Variants in PLXNB2 observed in about 807,000 individuals in gnomAD.
The protein encoded by PLXNB2 is plexin-B2.
A neutral mutation model predicts 202.6 loss-of-function variants in PLXNB2; 85 were observed. The observed-to-expected ratio is 0.42, with a 90% CI of 0.35 to 0.50. The LOEUF (loss-of-function observed/expected upper bound fraction) is 0.50, where lower values mean the gene tolerates loss of function less well. Ranked by LOEUF, PLXNB2 falls within the 20% of genes least tolerant of loss-of-function variation. PLXNB2 has a pLI of 0.02. For missense variants in PLXNB2, 2,063 were observed against 2,586.2 expected, an observed-to-expected ratio of 0.80 and a Z score of 4.39; for synonymous variants, 1,239 against 1,137.6, an observed-to-expected ratio of 1.09 and a Z score of -1.79.
chr22:50,276,758 G>T, intron 34 of PLXNB2, 54 bp from the exon 35 acceptor site: 2 of 1,599,530 alleles, frequency 1.3e-6, no homozygotes, highest in South Asian at 2.2e-5. Context: ...CAAAGGGGGT[G>T]GTGGGGGAAA....
rs2066777898 is a variant in PLXNB2 at position 50,290,382 on chromosome 22, G to A, written c.203C>T (p.Ala68Val). The change falls in exon 3 of 37, where the codon GCC (alanine) becomes GTC (valine). Residue 68 changes from alanine to valine, a missense_variant. By Grantham distance (64) the Ala-to-Val change is moderately conservative. Coordinates refer to ENST00000359337, the MANE Select transcript of PLXNB2 (RefSeq NM_012401.4). ...CTTGTTGTCCAGGGCCGGGCCCGTG[G>A]CCACCTGCTGCTCCAGCTGCAGCTT... ...DAKLQLEQQV[A>V]TGPALDNKKC... 4.7e-5 allele frequency: 76 copies of A among 1,612,786 alleles called. No individual in the cohort carries two copies. Among genetic ancestry groups the A allele is most frequent in the Non-Finnish European group, 6.3e-5 (74 of 1,179,982 alleles).
At chr22:50,306,805 G>A (rs2067900513) in intron 1 of PLXNB2, among the ~76,000 whole-genome samples, 1 of 152,196 alleles carries the variant, frequency 6.6e-6, no homozygotes, top group Admixed American at 6.5e-5. Flanking sequence ...GGAGCTTCGG[G>A]AAGAGAAATC....
Position 50,289,146 on chromosome 22 carries a change from CG to C in PLXNB2, c.1069-5del. 6.4e-7 allele frequency: 1 copy of C among 1,557,684 alleles called. No homozygotes were observed. The highest frequency in any genetic ancestry group is 8.7e-7 in the Non-Finnish European group (1 of 1,152,632). ...ATGGGAAGCTCTTGCTGGAGCCCTG[CG>C]GACCACAGCGTGTCAATGGCAGGCA... On this transcript the variant is annotated splice_region_variant and splice_polypyrimidine_tract_variant and intron_variant, in intron 3 of 36. Coordinates refer to ENST00000359337, the MANE Select transcript of PLXNB2 (RefSeq NM_012401.4). This position sits in a 1 kb window ranked among gnomAD's most constrained non-coding sequence, Gnocchi z 8.0.
intron 27 of PLXNB2, 24 bp from the exon 28 acceptor site, chr22:50,279,035 C>A: frequency 6.3e-7 from 1 of 1,584,608 alleles, no homozygotes; most frequent in South Asian, 1.2e-5. Flanking sequence ...CGGGATGAAG[C>A]CCAGTGGGAG....
chr22:50,292,644 T>G (rs2066960016), intron 2 of PLXNB2, among the ~76,000 whole-genome samples: 1 of 152,042 alleles, frequency 6.6e-6, no homozygotes, highest in Non-Finnish European at 1.5e-5. Flanking sequence ...GAGCCCGCTC[T>G]GCTGCTCCGT....
At chr22:50,302,339 C>A (rs563260048) in intron 1 of PLXNB2, among the ~76,000 whole-genome samples, 84 of 152,304 alleles carry the variant, frequency 5.5e-4, no homozygotes, top group Non-Finnish European at 1.1e-3. Flanking sequence ...AGAGTGGGGG[C>A]AGGACAGTGA....
rs777991567 is a variant in PLXNB2, at chr22:50,278,987, C to T, written c.4414G>A (p.Glu1472Lys). Residue 1472 changes from glutamate (E) to lysine (K), a missense_variant, in exon 28 of 37, where the codon GAG becomes AAG. Physicochemically the swap from Glu to Lys is moderately conservative, Grantham distance 56. Transcript: ENST00000359337. The part of the protein sequence containing the change: ...PLTVSVIVQD[E>K]GVDAIPVKVL... ...TTCACCGGGATGGCGTCCACTCCCT[C>T]GTCCTGCACGATCACGCTCACCGTC... is the stretch of plus-strand genomic sequence containing the variant. The T allele has an allele frequency of 4.3e-6, 7 of 1,611,990 alleles. No homozygotes were observed. The highest frequency in any genetic ancestry group is 1.6e-4 in the Middle Eastern group (1 of 6,074).
In PLXNB2 at chr22:50,287,340, T is replaced by C. The variant is rs530737875; in HGVS notation, c.1609-76A>G. ...CCACCTGCCGGTGACCCGACCTCCC[T>C]GCGTGTGTGGGCGCACGTCCCAGTG... On this transcript the variant is annotated intron_variant, in intron 7 of 36. Coordinates refer to ENST00000359337, the MANE Select transcript of PLXNB2 (RefSeq NM_012401.4). 48 of 1,418,878 alleles carry C rather than the reference T, an allele frequency of 3.4e-5. No individual in the cohort carries two copies. The African/African-American group carries it at 6.2e-4, about 18-fold the overall frequency. The allele number at this position is 1,418,878 out of a possible 1,614,324, so 87.9% of individuals were successfully genotyped here. A position where few individuals can be genotyped will look rare whatever the true frequency, so the allele number is the denominator to read the frequency against.
At chr22:50,303,471 A>G (rs1402376443) in intron 1 of PLXNB2, among the ~76,000 whole-genome samples, 1 of 152,122 alleles carries the variant, frequency 6.6e-6, no homozygotes, top group Admixed American at 6.5e-5. Flanking sequence ...ACCACAACAG[A>G]AGGTCACCTG....
Position 50,284,086 on chromosome 22 carries a change from G to GGCC in PLXNB2, c.2263+45_2263+46insGGC. 1 of 1,341,482 alleles carries GGCC rather than the reference G, an allele frequency of 7.5e-7. No individual in the cohort carries two copies. The highest frequency in any genetic ancestry group is 1.0e-6 in the Non-Finnish European group (1 of 961,404). The allele number at this position is 1,341,482 out of a possible 1,614,324, so 83.1% of individuals were successfully genotyped here. ...CCTGTCCCCCCACCCACCGCCTTGT[G>GGCC]CCCACCCGTCCCCTGCCCGCCCCCC... is the stretch of plus-strand genomic sequence containing the variant. On this transcript the variant is annotated intron_variant, in intron 13 of 36. Coordinates refer to ENST00000359337, the MANE Select transcript of PLXNB2 (RefSeq NM_012401.4). The surrounding 1 kb of genome is among the most constrained non-coding windows in gnomAD (Gnocchi z 8.0).
At chr22:50,280,121 G>A (rs951258486) in intron 25 of PLXNB2, 50 bp from the exon 26 acceptor site, 1 of 1,449,220 alleles carries the variant, frequency 6.9e-7, no homozygotes, top group Non-Finnish European at 9.4e-7. Flanking sequence ...GTATTCCTGA[G>A]GCCCAACTGA....
chr22:50,277,471 A>G (rs535018596), intron 33 of PLXNB2, 120 bp downstream of exon 33: 1 of 1,070,388 alleles, frequency 9.3e-7, no homozygotes, highest in East Asian at 2.7e-5. Context: ...CACCTCCTAC[A>G]TCAAGGGCTC....
At chr22:50,301,486 G>A (rs372628292) in intron 1 of PLXNB2, 7 of 720,576 alleles carry the variant, frequency 9.7e-6, no homozygotes, top group East Asian at 1.3e-4. Flanking sequence ...AGGCGGCCAC[G>A]GAGGGACTCT....
At position 50,282,317 on chromosome 22, in the gene PLXNB2, C is replaced by A; in HGVS notation, c.2988-4G>T. ...GACGTTGATGCTGCGGCCACCACTG[C>A]GGAGGGCAGTGCCTTCGTGGGCTCG... On this transcript the variant is annotated splice_region_variant and splice_polypyrimidine_tract_variant and intron_variant, in intron 18 of 36. Transcript: ENST00000359337. 1 of 1,598,934 alleles carries A rather than the reference C, an allele frequency of 6.3e-7. No homozygotes were observed. The highest frequency in any genetic ancestry group is 8.5e-7 in the Non-Finnish European group (1 of 1,173,206).
chr22:50,284,509 G>C lies in PLXNB2; in HGVS notation c.2181+64C>G. On this transcript the variant is annotated intron_variant, in intron 12 of 36. Coordinates refer to ENST00000359337, the MANE Select transcript of PLXNB2 (RefSeq NM_012401.4). The surrounding 1 kb of genome is among the most constrained non-coding windows in gnomAD (Gnocchi z 8.0). ...CCCCTCCCCTCACAGTCCTGAAGGT[G>C]ACCCCCCACCCCACCCGGGGCCCTG... 8.0e-7 allele frequency: 1 copy of C among 1,243,854 alleles called. No individual in the cohort carries two copies. The highest frequency in any genetic ancestry group is 1.1e-6 in the Non-Finnish European group (1 of 871,482). The allele number at this position is 1,243,854 out of a possible 1,614,324, so 77.1% of individuals were successfully genotyped here. A position where few individuals can be genotyped will look rare whatever the true frequency, so the allele number is the denominator to read the frequency against.
chr22:50,281,344 C>T lies in PLXNB2; in HGVS notation c.3662+16G>A, dbSNP rs1383457964. 89 of 1,610,848 alleles carry T rather than the reference C, an allele frequency of 5.5e-5. No individual in the cohort carries two copies. The highest frequency in any genetic ancestry group is 5.3e-4 in the South Asian group (48 of 90,714). ...CGAGGGCTCAGGGTGTTGGCACAGC[C>T]GGGGGGCGGGCTCACCAGTAGCAGT... On this transcript the variant is annotated intron_variant, in intron 22 of 36. Transcript: ENST00000359337.
At position 50,288,036 on chromosome 22, in the gene PLXNB2, A is replaced by G. The variant is rs1226756894; in HGVS notation, c.1382T>C (p.Val461Ala). 1 of 1,555,612 alleles carries G rather than the reference A, an allele frequency of 6.4e-7. No individual in the cohort carries two copies. The highest frequency in any genetic ancestry group is 1.2e-5 in the South Asian group (1 of 84,470). Reference sequence around the variant, plus strand: ...GCACTCCTGCACCGGCAGCCGGAACACCTAGGGCAGCGGGGCCGTGAGTGG... The same window carrying G: ...GCACTCCTGCACCGGCAGCCGGAACGCCTAGGGCAGCGGGGCCGTGAGTGG... ...GSLYAMTQDKVFRLPVQECLS... is the reference protein window; with the variant it reads ...GSLYAMTQDKAFRLPVQECLS... Residue 461 changes from valine (V) to alanine (A), a missense_variant and splice_region_variant, in exon 6 of 37, where the codon GTG becomes GCG. Physicochemically the swap from Val to Ala is moderately conservative, Grantham distance 64. This residue lies in a region of PLXNB2 where 1,303 missense variants were observed against 1,476.8 expected (regional missense o/e 0.88). Transcript: ENST00000359337. The surrounding 1 kb of genome is among the most constrained non-coding windows in gnomAD (Gnocchi z 5.0).
rs186384452 is a variant in PLXNB2 at position 50,289,502 on chromosome 22, C to T, written c.1068+15G>A. ...CTGCAGTCCGGGCCCTGCGAGAACA[C>T]ACTGAGGCCCATACCGGCGCGTGGC... On this transcript the variant is annotated intron_variant, in intron 3 of 36. Coordinates refer to ENST00000359337, the MANE Select transcript of PLXNB2 (RefSeq NM_012401.4). This position sits in a 1 kb window ranked among gnomAD's most constrained non-coding sequence, Gnocchi z 8.0. 8.1e-5 allele frequency: 129 copies of T among 1,596,746 alleles called. No individual in the cohort carries two copies. The Admixed American group carries it at 2.2e-3, about 27-fold the overall frequency.
Position 50,278,665 on chromosome 22 carries a change from C to T in PLXNB2, c.4578G>A (p.Leu1526=), listed in dbSNP as rs752587859. The change falls in exon 29 of 37, where the codon CTG becomes CTA. Residue 1526 remains leucine, a synonymous_variant. Coordinates refer to ENST00000359337, the MANE Select transcript of PLXNB2 (RefSeq NM_012401.4). ...GCTGTGACGTCAGGTCCAGGTCCGA[C>T]AGGATCTGCGCTGTGGAGCCCGGAC... is the stretch of plus-strand genomic sequence containing the variant. ...EWRPGSTAQI[L]SDLDLTSQRE... 1.2e-6 allele frequency: 2 copies of T among 1,612,538 alleles called. No individual in the cohort carries two copies. The highest frequency in any genetic ancestry group is 1.7e-6 in the Non-Finnish European group (2 of 1,179,766).
Sources: gnomAD v4.1 joint callset for allele counts (sites outside exome capture counted in the v4.1 genomes callset) on GRCh38, gnomAD v4.1.1 for gene constraint, gnomAD v4.1.1 regional missense constraint, Gnocchi (gnomAD v3.1) non-coding constraint, MANE v1.5 for transcripts, NCBI Gene and HGNC (gene_info 2026-07-23, HGNC 2026-07-21) for gene names.